Variants in SUGT1 observed in about 807,000 individuals in gnomAD.
SUGT1 encodes SGT1 assembly cochaperone of MIS12 kinetochore complex.
SUGT1 carries 15 observed loss-of-function variants against 56.1 expected under a neutral mutation model. That is an observed-to-expected ratio of 0.27 (90% CI 0.18 to 0.41). The LOEUF is 0.41. Among genes scored for constraint, SUGT1 ranks in the 10% least tolerant of loss-of-function variants. SUGT1 has a pLI of 1.00. For synonymous variants in SUGT1, 123 were observed against 128.6 expected (o/e 0.96, Z 0.30); for missense variants, 347 against 382.2 (o/e 0.91, Z 0.77).
intron 12 of SUGT1, among the ~76,000 whole-genome samples, chr13:52,681,648 G>C (rs1235807123): frequency 1.3e-5 from 2 of 152,074 alleles, no homozygotes; most frequent in East Asian, 3.9e-4. Flanking sequence ...GGCTAGACCA[G>C]CCTGGACAAT....
intron 3 of SUGT1, 102 bp downstream of exon 3, chr13:52,657,724 T>C (rs933821823): frequency 2.5e-5 from 27 of 1,060,414 alleles, no homozygotes; most frequent in Admixed American, 5.1e-5. Flanking sequence ...TAAATTGGTC[T>C]TTTATACAAG....
intron 8 of SUGT1, 29 bp downstream of exon 8, chr13:52,664,086 C>T: frequency 6.2e-7 from 1 of 1,604,950 alleles, no homozygotes; most frequent in Non-Finnish European, 8.5e-7. Context: ...TAAAACAATG[C>T]ATGATAAATA....
chr13:52,695,693 C>T lies in SUGT1; in HGVS notation c.*7858C>T, dbSNP rs536922754. The T allele has an allele frequency of 6.6e-6, 1 of 152,362 alleles. No individual in the cohort carries two copies. The highest frequency in any genetic ancestry group is 1.9e-4 in the East Asian group (1 of 5,190). 9.4% of individuals were successfully genotyped at this position (152,362 alleles called of 1,614,324 possible). A position where few individuals can be genotyped will look rare whatever the true frequency, so the allele number is the denominator to read the frequency against. ...TTTTTGGCCACATCTCTTGTCACTG[C>T]TTTGCTGTGTACTAAAGCTCCCAGA... On this transcript the variant is annotated 3_prime_UTR_variant, in exon 13 of 13. Transcript: ENST00000310528.
chr13:52,682,393 G>T (rs912730571), intron 12 of SUGT1, among the ~76,000 whole-genome samples: 1 of 147,244 alleles, frequency 6.8e-6, no homozygotes, highest in African/African-American at 2.5e-5. Context: ...AGAGGTGGGG[G>T]TGTCTCCGTA....
At chr13:52,662,274 C>A (rs558079980) in intron 5 of SUGT1, among the ~76,000 whole-genome samples, 27 of 152,238 alleles carry the variant, frequency 1.8e-4, no homozygotes, top group African/African-American at 6.5e-4. Context: ...AGTTACCAAG[C>A]CTCCTCCCCA....
In SUGT1 at chr13:52,652,889, A is replaced by C. The variant is rs983222422; in HGVS notation, c.-32A>C. 1.2e-6 allele frequency: 2 copies of C among 1,609,538 alleles called. No individual in the cohort carries two copies. Among genetic ancestry groups the C allele is most frequent in the Non-Finnish European group, 1.7e-6 (2 of 1,177,720 alleles). On this transcript the variant is annotated 5_prime_UTR_variant, in exon 1 of 13. Coordinates refer to ENST00000310528, the MANE Select transcript of SUGT1 (RefSeq NM_006704.5). The stretch of plus-strand genomic sequence containing the variant: ...TGGAGGTGGTAACCGTGATAGTAGC[A>C]GCTCCGGCGGCAGCAACAGCGACTA...
chr13:52,675,301 TG>T (rs1963100765), intron 10 of SUGT1, among the ~76,000 whole-genome samples: 1 of 152,208 alleles, frequency 6.6e-6, no homozygotes, highest in Middle Eastern at 3.2e-3. Context: ...CACCTGGGCT[TG>T]GTGGCTCATG....
intron 10 of SUGT1, among the ~76,000 whole-genome samples, chr13:52,670,515 A>C (rs1266388578): frequency 6.6e-6 from 1 of 152,212 alleles, no homozygotes; most frequent in Non-Finnish European, 1.5e-5. Context: ...TTTAAGATTT[A>C]GAATTCACAA....
intron 3 of SUGT1, 77 bp downstream of exon 3, chr13:52,657,699 G>A: frequency 7.3e-7 from 1 of 1,365,298 alleles, no homozygotes; most frequent in Non-Finnish European, 1.0e-6. Context: ...ATTAAAAGTT[G>A]TCTTTGAGAA....
intron 4 of SUGT1, 151 bp downstream of exon 4, chr13:52,658,619 ATAGT>A: frequency 1.4e-6 from 1 of 701,260 alleles, no homozygotes; most frequent in Non-Finnish European, 2.2e-6. Flanking sequence ...AATACAACTT[ATAGT>A]TCTATTATTT....
intron 10 of SUGT1, among the ~76,000 whole-genome samples, chr13:52,668,709 T>C (rs994240283): frequency 1.3e-5 from 2 of 151,970 alleles, no homozygotes; most frequent in African/African-American, 4.8e-5. Context: ...TTGAGAGGGA[T>C]ATAGTTCATA....
intron 2 of SUGT1, among the ~76,000 whole-genome samples, chr13:52,654,710 A>C (rs1020719350): frequency 4.6e-5 from 7 of 151,928 alleles, no homozygotes; most frequent in Middle Eastern, 3.2e-3. Context: ...GAATGTAGAC[A>C]CTCTTTTTGC....
intron 3 of SUGT1, 94 bp downstream of exon 3, chr13:52,657,716 AATTGGTCTTTTATACAAG>A: frequency 8.5e-7 from 1 of 1,181,680 alleles, no homozygotes; most frequent in Non-Finnish European, 1.2e-6. Flanking sequence ...AGAATTTTTA[AATTGGTCTTTTATACAAG>A]GTAAAGTAGC....
Position 52,689,131 on chromosome 13 carries a change from C to T in SUGT1, c.*1296C>T, listed in dbSNP as rs1036452. On this transcript the variant is annotated 3_prime_UTR_variant, in exon 13 of 13. Transcript: ENST00000310528. ...AAAACAGTAGGAATTCAGCTCCTTC[C>T]TTCTCGTCCTTTGTTGTGGGGTGTA... is the stretch of plus-strand genomic sequence containing the variant. The T allele has an allele frequency of 0.92, 140,453 of 152,292 alleles. 64,928 individuals carry two copies. Among genetic ancestry groups the T allele is most frequent in the East Asian group, 0.97 (5,027 of 5,180 alleles). The allele number at this position is 152,292 out of a possible 1,614,324, so 9.4% of individuals were successfully genotyped here.
At chr13:52,657,120 G>A (rs7334677) in intron 2 of SUGT1, among the ~76,000 whole-genome samples, 80,963 of 151,902 alleles carry the variant, frequency 0.53, 21,778 homozygotes, top group East Asian at 0.74. Flanking sequence ...TTAACTTCTG[G>A]TCTTTTTTTA....
At chr13:52,667,217 T>A (rs1209924300) in intron 10 of SUGT1, among the ~76,000 whole-genome samples, 1 of 152,244 alleles carries the variant, frequency 6.6e-6, no homozygotes, top group African/African-American at 2.4e-5. Flanking sequence ...TCTTTAAGAT[T>A]TGATACTGAC....
chr13:52,657,987 C>A, intron 3 of SUGT1: 1 of 777,786 alleles, frequency 1.3e-6, no homozygotes, highest in Non-Finnish European at 1.7e-6. Flanking sequence ...TTTGGGAGAC[C>A]AAAGCAGGAG....
At chr13:52,655,655 A>G (rs1962131720) in intron 2 of SUGT1, among the ~76,000 whole-genome samples, 1 of 152,158 alleles carries the variant, frequency 6.6e-6, no homozygotes, top group Non-Finnish European at 1.5e-5. Flanking sequence ...GGCTGGGGGA[A>G]TGTTGTAGGA....
intron 11 of SUGT1, among the ~76,000 whole-genome samples, chr13:52,676,990 A>G (rs757724710): frequency 3.9e-5 from 6 of 152,192 alleles, no homozygotes; most frequent in Non-Finnish European, 5.9e-5. Flanking sequence ...CTAAGATTAT[A>G]TTTTATAGCA....
Sources: allele counts gnomAD v4.1 joint callset (sites outside exome capture counted in the v4.1 genomes callset), GRCh38; gene constraint gnomAD v4.1.1; transcripts MANE v1.5; gene names NCBI Gene and HGNC (gene_info 2026-07-23, HGNC 2026-07-21).